PCDHGA1: variants seen among roughly 807,000 people sequenced by gnomAD.
The protein encoded by PCDHGA1 is protocadherin gamma subfamily A, 1, also known as protocadherin gamma-A1.
In PCDHGA1, 32 loss-of-function variants were observed where a neutral mutation model predicts 58.0. The observed-to-expected ratio is 0.55, with a 90% CI of 0.42 to 0.74. The LOEUF (loss-of-function observed/expected upper bound fraction) is 0.74. PCDHGA1 is among the 30% of genes least tolerant of loss of function. The pLI is 0.00. For synonymous variants in PCDHGA1, 498 were observed against 501.1 expected, an observed-to-expected ratio of 0.99 and a Z score of 0.08; for missense variants, 1,205 against 1,182.3, an observed-to-expected ratio of 1.02 and a Z score of -0.28.
chr5:141,498,093 G>T (rs975304630), intron 2 of PCDHGA1, among the ~76,000 whole-genome samples: 4 of 152,220 alleles, frequency 2.6e-5, no homozygotes, highest in Admixed American at 1.3e-4. Context: ...AATTGTATCT[G>T]GTGGTGTGGG....
In PCDHGA1 at chr5:141,360,676, G is replaced by T. The variant is rs993703325; in HGVS notation, c.2421+27571G>T. The T allele has an allele frequency of 8.1e-6, 13 of 1,613,834 alleles. No individual in the cohort carries two copies. Among genetic ancestry groups the T allele is most frequent in the African/African-American group, 1.3e-5 (1 of 74,924 alleles). On this transcript the variant is annotated intron_variant, in intron 1 of 3. Transcript: ENST00000517417. ...TAATGACAACGAGTACTTTGATCTC[G>T]CTGAGAAACAGACTCCAGATGGTCG...
At chr5:141,482,999 T>G (rs1031397558) in intron 1 of PCDHGA1, among the ~76,000 whole-genome samples, 3 of 151,950 alleles carry the variant, frequency 2.0e-5, no homozygotes, top group Non-Finnish European at 2.9e-5. Flanking sequence ...GCAGGAGAAT[T>G]GCTTGAACCC....
chr5:141,486,505 T>C lies in PCDHGA1; in HGVS notation c.2422-8302T>C. The C allele has an allele frequency of 6.2e-7, 1 of 1,614,156 alleles. No individual in the cohort carries two copies. ...GTACCCACAGAACTATTTTCCTCAA[T>C]ATTTCAGATGTGAATGATAATCCAC... is the stretch of plus-strand genomic sequence containing the variant. On this transcript the variant is annotated intron_variant, in intron 1 of 3. Coordinates refer to ENST00000517417, the MANE Select transcript of PCDHGA1 (RefSeq NM_018912.3). The surrounding 1 kb of genome is among the most constrained non-coding windows in gnomAD (Gnocchi z 5.0).
At chr5:141,360,879 G>A in intron 1 of PCDHGA1, 1 of 1,614,000 alleles carries the variant, frequency 6.2e-7, no homozygotes, top group South Asian at 1.1e-5. Flanking sequence ...ACGTGTACAG[G>A]GTCACCCTGA....
intron 1 of PCDHGA1, chr5:141,373,987 G>C: frequency 8.3e-7 from 1 of 1,199,482 alleles, no homozygotes; most frequent in South Asian, 2.3e-5. Flanking sequence ...GTCTCTGCTT[G>C]TTGAAGGACC....
At chr5:141,340,897 C>G (rs141820910) in intron 1 of PCDHGA1, 1 of 1,613,718 alleles carries the variant, frequency 6.2e-7, no homozygotes, top group South Asian at 1.1e-5. Context: ...AGCAGAGCCT[C>G]GTGGTGGCCA....
Position 141,491,415 on chromosome 5 carries a change from G to GGGT in PCDHGA1, c.2422-3389_2422-3387dup. 1 of 1,614,126 alleles carries GGGT rather than the reference G, an allele frequency of 6.2e-7. No individual in the cohort carries two copies. Among genetic ancestry groups the GGGT allele is most frequent in the Non-Finnish European group, 8.5e-7 (1 of 1,180,034 alleles). ...TTCAGGGAAACGCAGACGGGGACGG[G>GGGT]GGTGGAGGGCAGTGCTGCAGGCGCC... On this transcript the variant is annotated intron_variant, in intron 1 of 3. Transcript: ENST00000517417. The surrounding 1 kb of genome is among the most constrained non-coding windows in gnomAD (Gnocchi z 6.9).
intron 1 of PCDHGA1, chr5:141,375,201 A>T (rs1173523858): frequency 6.2e-7 from 1 of 1,614,004 alleles, no homozygotes; most frequent in Non-Finnish European, 8.5e-7. Flanking sequence ...CAAGTGTTCG[A>T]TCGAGACTCT....
At chr5:141,352,241 G>T in intron 1 of PCDHGA1, 1 of 1,614,080 alleles carries the variant, frequency 6.2e-7, no homozygotes, top group Non-Finnish European at 8.5e-7. Flanking sequence ...CCTAATCTTC[G>T]CGGATAGCCT....
chr5:141,384,366 T>C (rs573164893), intron 1 of PCDHGA1: 2 of 1,613,896 alleles, frequency 1.2e-6, no homozygotes, highest in Middle Eastern at 1.6e-4. Flanking sequence ...AGATCACTTA[T>C]TCCTTGGCCG....
chr5:141,420,494 C>A (rs978136090), intron 1 of PCDHGA1: 1 of 499,510 alleles, frequency 2.0e-6, no homozygotes, highest in Non-Finnish European at 3.1e-6. Context: ...GGGTAATCTC[C>A]GGTGACATTT....
chr5:141,403,434 A>G, intron 1 of PCDHGA1: 1 of 1,614,024 alleles, frequency 6.2e-7, no homozygotes, highest in Non-Finnish European at 8.5e-7. Flanking sequence ...ATTGATCCGG[A>G]TGTTGGCGTG....
chr5:141,342,766 G>A lies in PCDHGA1; in HGVS notation c.2421+9661G>A, dbSNP rs1344775444. 2.0e-5 allele frequency: 3 copies of A among 152,272 alleles called. No homozygotes were observed. In the East Asian group the frequency reaches 5.8e-4, roughly 29 times the overall value. 9.4% of individuals were successfully genotyped at this position (152,272 alleles called of 1,614,324 possible). On this transcript the variant is annotated intron_variant, in intron 1 of 3. Transcript: ENST00000517417. ...ATATGTAATGCATCATGATTGAAACGACAAATATATTGTATTTATATTTCT... is the reference window on the plus strand; with the variant it reads ...ATATGTAATGCATCATGATTGAAACAACAAATATATTGTATTTATATTTCT...
At chr5:141,445,732 A>G (rs2098475548) in intron 1 of PCDHGA1, among the ~76,000 whole-genome samples, 1 of 152,230 alleles carries the variant, frequency 6.6e-6, no homozygotes, top group African/African-American at 2.4e-5. Context: ...ATGTGTAAAG[A>G]TCTTTTTAAA....
At chr5:141,475,959 A>T (rs963363028) in intron 1 of PCDHGA1, 15 of 817,720 alleles carry the variant, frequency 1.8e-5, no homozygotes, top group East Asian at 2.6e-5. Context: ...GCGCCCCGGG[A>T]TGAGGCAGAG....
chr5:141,432,235 T>C lies in PCDHGA1; in HGVS notation c.2422-62572T>C, dbSNP rs1240828849. 1 of 1,614,102 alleles carries C rather than the reference T, an allele frequency of 6.2e-7. No individual in the cohort carries two copies. The highest frequency in any genetic ancestry group is 8.5e-7 in the Non-Finnish European group (1 of 1,180,050). ...ACGCCCAGATCACTTATTCCCTGGC[T>C]GAGAACACCATCCAAGGGGCAAGCC... On this transcript the variant is annotated intron_variant, in intron 1 of 3. Transcript: ENST00000517417. The surrounding 1 kb of genome is among the most constrained non-coding windows in gnomAD (Gnocchi z 6.0).
chr5:141,359,109 G>A (rs777269083), intron 1 of PCDHGA1, among the ~76,000 whole-genome samples: 9 of 152,200 alleles, frequency 5.9e-5, no homozygotes, highest in Admixed American at 1.3e-4. Context: ...TGTATTCATA[G>A]AAAGTTGTGG....
Position 141,432,923 on chromosome 5 carries a change from T to C in PCDHGA1, c.2422-61884T>C. ...GCTCAGGCTGCGGCGCTGGCACAAG[T>C]CACGCCTGCTGCAGGCTTCAGGAGG... On this transcript the variant is annotated intron_variant, in intron 1 of 3. Coordinates refer to ENST00000517417, the MANE Select transcript of PCDHGA1 (RefSeq NM_018912.3). This position sits in a 1 kb window ranked among gnomAD's most constrained non-coding sequence, Gnocchi z 6.0. The C allele has an allele frequency of 6.2e-7, 1 of 1,614,186 alleles. No homozygotes were observed. Among genetic ancestry groups the C allele is most frequent in the Non-Finnish European group, 8.5e-7 (1 of 1,180,034 alleles).
At chr5:141,441,911 T>TGAG in intron 1 of PCDHGA1, 1 of 348,148 alleles carries the variant, frequency 2.9e-6, no homozygotes, top group Non-Finnish European at 5.5e-6. Context: ...GACGCAGATG[T>TGAG]GAGACACAAT....
Sources: gnomAD v4.1 joint callset for allele counts (sites outside exome capture counted in the v4.1 genomes callset) on GRCh38, gnomAD v4.1.1 for gene constraint, Gnocchi (gnomAD v3.1) non-coding constraint, MANE v1.5 for transcripts, NCBI Gene and HGNC (gene_info 2026-07-23, HGNC 2026-07-21) for gene names.